Variants in DLG2 observed in about 807,000 individuals in gnomAD.
DLG2 encodes discs large MAGUK scaffold protein 2.
Under a neutral mutation model 132.5 loss-of-function variants are expected in DLG2, and 45 were observed. The observed-to-expected ratio is 0.34, with a 90% CI of 0.27 to 0.44. The LOEUF (loss-of-function observed/expected upper bound fraction) is 0.44, where lower values mean the gene tolerates loss of function less well. Among genes scored for constraint, DLG2 ranks in the 20% least tolerant of loss-of-function variants. The pLI is 1.00. For missense variants in DLG2, 1,045 were observed against 1,196.9 expected, an observed-to-expected ratio of 0.87 and a Z score of 1.87; for synonymous variants, 424 against 419.6, an observed-to-expected ratio of 1.01 and a Z score of -0.13.
In DLG2 at chr11:84,116,815, A is replaced by G. The variant is rs149959992; in HGVS notation, c.625-17768T>C. ...AAATGTCAGTATATTTTAAGTGTCA[A>G]ATGAATGTTAGAGGGACAAGTGAAA... On this transcript the variant is annotated intron_variant, in intron 9 of 27. Coordinates refer to ENST00000376104, the MANE Select transcript of DLG2 (RefSeq NM_001142699.3). Among the ~76,000 whole-genome samples the G allele has an allele frequency of 2.5e-3, 376 of 152,342 alleles. 4 individuals carry two copies. The highest frequency in any genetic ancestry group is 8.8e-3 in the African/African-American group (365 of 41,576).
intron 16 of DLG2, among the ~76,000 whole-genome samples, chr11:83,861,272 T>C (rs755771480): frequency 6.6e-6 from 1 of 152,142 alleles, no homozygotes; most frequent in Non-Finnish European, 1.5e-5. Flanking sequence ...CCTTTTACAT[T>C]GTTGGTGGGA....
chr11:83,726,528 A>G (rs1424484520), intron 18 of DLG2, among the ~76,000 whole-genome samples: 2 of 152,216 alleles, frequency 1.3e-5, no homozygotes, highest in Non-Finnish European at 1.5e-5. Flanking sequence ...CTAAATGACA[A>G]GGAGGTATGG....
At chr11:84,854,104 G>A (rs985721246) in intron 6 of DLG2, among the ~76,000 whole-genome samples, 1 of 151,982 alleles carries the variant, frequency 6.6e-6, no homozygotes, top group South Asian at 2.1e-4. Context: ...AGGATGAGGT[G>A]AATTGGGTTC....
intron 6 of DLG2, among the ~76,000 whole-genome samples, chr11:85,069,989 T>C (rs1384634447): frequency 6.6e-6 from 1 of 151,992 alleles, no homozygotes; most frequent in Non-Finnish European, 1.5e-5. Context: ...AATGATGAGT[T>C]CATGTCCTTT....
chr11:85,154,045 T>C (rs2077430395), intron 5 of DLG2, among the ~76,000 whole-genome samples: 1 of 146,406 alleles, frequency 6.8e-6, no homozygotes, highest in Non-Finnish European at 1.5e-5. Context: ...AATACAAATA[T>C]CCTTGCGAAC....
At position 85,315,497 on chromosome 11, in the gene DLG2, C is replaced by T. The variant is rs115117038; in HGVS notation, c.41-30132G>A. On this transcript the variant is annotated intron_variant, in intron 3 of 27. Coordinates refer to ENST00000376104, the MANE Select transcript of DLG2 (RefSeq NM_001142699.3). ...CAGTGGGATAACCCTGGAGTCATCA[C>T]CTGGTGTAAGACTGCTCTACAACAT... is the stretch of plus-strand genomic sequence containing the variant. 5.9e-3 allele frequency among the ~76,000 whole-genome samples: 902 copies of T among 152,050 alleles called. 9 individuals carry two copies. The highest frequency in any genetic ancestry group is 0.02 in the African/African-American group (839 of 41,522).
intron 14 of DLG2, among the ~76,000 whole-genome samples, chr11:83,953,606 G>A (rs915939777): frequency 3.3e-5 from 5 of 152,122 alleles, no homozygotes; most frequent in African/African-American, 1.2e-4. Flanking sequence ...AATCACCCAG[G>A]GATTGCAAAG....
chr11:85,247,117 C>A (rs777902066), intron 4 of DLG2, among the ~76,000 whole-genome samples: 2 of 152,014 alleles, frequency 1.3e-5, no homozygotes, highest in Non-Finnish European at 2.9e-5. Context: ...TTACGTTGAT[C>A]ATACAATTTT....
intron 22 of DLG2, among the ~76,000 whole-genome samples, chr11:83,475,858 C>A (rs550446264): frequency 6.6e-6 from 1 of 152,030 alleles, no homozygotes; most frequent in South Asian, 2.1e-4. Context: ...TAACAGCTGA[C>A]AAAAAGGTAC....
At position 83,600,405 on chromosome 11, in the gene DLG2, A is replaced by G. The variant is rs148468581; in HGVS notation, c.1940+32806T>C. Among the ~76,000 whole-genome samples the G allele has an allele frequency of 2.4e-3, 363 of 152,030 alleles. 6 individuals are homozygous for G. The highest frequency in any genetic ancestry group is 9.6e-4 in the East Asian group (5 of 5,188). On this transcript the variant is annotated intron_variant, in intron 19 of 27. Transcript: ENST00000376104. ...AATTTTATACATCTCCTTTTCTGCT[A>G]TCACAACTTAAAGTCCATTCCTGAA...
chr11:85,344,042 G>C (rs1445227560), intron 3 of DLG2, among the ~76,000 whole-genome samples: 1 of 152,176 alleles, frequency 6.6e-6, no homozygotes, highest in Non-Finnish European at 1.5e-5. Context: ...ATACCAGGCA[G>C]ATTAGTAAGC....
chr11:84,740,211 T>C (rs560938879), intron 6 of DLG2, among the ~76,000 whole-genome samples: 2 of 151,944 alleles, frequency 1.3e-5, no homozygotes, highest in South Asian at 2.1e-4. Flanking sequence ...CACCTATTAA[T>C]TGGAAGCCCC....
rs192773743 is a variant in DLG2, at chr11:84,534,355, A to G, written c.519+215T>C. Among the ~76,000 whole-genome samples, 21 of 152,310 alleles carry G rather than the reference A, an allele frequency of 1.4e-4. No individual in the cohort carries two copies. In the East Asian group the frequency reaches 3.9e-3, roughly 28 times the overall value. On this transcript the variant is annotated intron_variant, in intron 7 of 27. Coordinates refer to ENST00000376104, the MANE Select transcript of DLG2 (RefSeq NM_001142699.3). ...TTTCTTTACTCCATTCTCAGCAACT[A>G]AAATGATTTTTCCAGATATTCAAAC...
At chr11:85,413,718 C>T (rs546729069) in intron 3 of DLG2, among the ~76,000 whole-genome samples, 7 of 151,088 alleles carry the variant, frequency 4.6e-5, no homozygotes, top group South Asian at 4.2e-4. Context: ...AGCTGTATTT[C>T]GGTTTGTTTC....
At chr11:84,254,544 C>T (rs1047426534) in intron 7 of DLG2, among the ~76,000 whole-genome samples, 7 of 152,144 alleles carry the variant, frequency 4.6e-5, no homozygotes, top group African/African-American at 1.4e-4. Context: ...TATATCTTTA[C>T]GAGCTTTGTA....
At chr11:84,858,878 C>T (rs1328208637) in intron 6 of DLG2, among the ~76,000 whole-genome samples, 1 of 151,868 alleles carries the variant, frequency 6.6e-6, no homozygotes, top group East Asian at 1.9e-4. Flanking sequence ...AAAATATACA[C>T]ATTTTAAAAC....
chr11:84,440,465 A>G (rs1298961898), intron 7 of DLG2, among the ~76,000 whole-genome samples: 2 of 152,178 alleles, frequency 1.3e-5, no homozygotes, highest in Non-Finnish European at 2.9e-5. Flanking sequence ...AGTCATTGCC[A>G]TATTTATACA....
intron 6 of DLG2, among the ~76,000 whole-genome samples, chr11:85,099,096 G>A (rs909690376): frequency 7.9e-5 from 12 of 152,212 alleles, no homozygotes; most frequent in African/African-American, 2.9e-4. Flanking sequence ...GTCAAGTGCT[G>A]TTAAAAGTTT....
chr11:84,829,700 A>G (rs943402000), intron 6 of DLG2, among the ~76,000 whole-genome samples: 4 of 151,706 alleles, frequency 2.6e-5, no homozygotes, highest in Admixed American at 6.6e-5. Context: ...GAAGGGTCGA[A>G]GATAATGAGG....
Sources: gnomAD v4.1 joint callset for allele counts (sites outside exome capture counted in the v4.1 genomes callset) on GRCh38, gnomAD v4.1.1 for gene constraint, MANE v1.5 for transcripts, NCBI Gene and HGNC (gene_info 2026-07-23, HGNC 2026-07-21) for gene names.